The following ATRNL1 variants were observed in gnomAD, a reference collection of about 807,000 sequenced individuals.
The protein encoded by ATRNL1 is attractin-like protein 1.
ATRNL1 carries 95 observed loss-of-function variants against 182.7 expected under a neutral mutation model. That is an observed-to-expected ratio of 0.52 (90% CI 0.44 to 0.62). ATRNL1 has a LOEUF of 0.62. ATRNL1 is among the 20% of genes least tolerant of loss of function. ATRNL1 has a pLI of 0.00. For synonymous variants in ATRNL1, 576 were observed against 568.3 expected, an observed-to-expected ratio of 1.01 and a Z score of -0.19; for missense variants, 1,471 against 1,679.5, an observed-to-expected ratio of 0.88 and a Z score of 2.17.
At chr10:115,830,249 A>T (rs1341035227) in intron 27 of ATRNL1, among the ~76,000 whole-genome samples, 1 of 152,180 alleles carries the variant, frequency 6.6e-6, no homozygotes, top group Non-Finnish European at 1.5e-5. Flanking sequence ...AATATGTAGG[A>T]AAAAAATTAC....
intron 26 of ATRNL1, among the ~76,000 whole-genome samples, chr10:115,700,276 A>G (rs1248818520): frequency 2.6e-5 from 4 of 152,126 alleles, no homozygotes; most frequent in African/African-American, 9.7e-5. Context: ...TGCTTTCCAC[A>G]GTGGCTGAGC....
At chr10:115,225,841 G>C (rs564721849) in intron 9 of ATRNL1, among the ~76,000 whole-genome samples, 1 of 150,646 alleles carries the variant, frequency 6.6e-6, no homozygotes, top group Admixed American at 6.6e-5. Context: ...AATTTTAGCA[G>C]GTGTTTTTCT....
intron 19 of ATRNL1, among the ~76,000 whole-genome samples, chr10:115,380,274 T>C (rs979288256): frequency 5.3e-5 from 8 of 152,206 alleles, no homozygotes; most frequent in Non-Finnish European, 1.0e-4. Flanking sequence ...AAGGTAATAA[T>C]CATAAGCAAT....
chr10:115,453,778 C>T (rs575922486), intron 21 of ATRNL1, among the ~76,000 whole-genome samples: 3 of 134,294 alleles, frequency 2.2e-5, no homozygotes, highest in South Asian at 4.8e-4. Context: ...AGGGGAACAT[C>T]ACACTCTGGG....
At chr10:115,507,408 T>C (rs1850166703) in intron 24 of ATRNL1, among the ~76,000 whole-genome samples, 1 of 152,032 alleles carries the variant, frequency 6.6e-6, no homozygotes, top group African/African-American at 2.4e-5. Flanking sequence ...TTACTAGGAA[T>C]ATAATAATCA....
rs144796877 is a variant in ATRNL1, at chr10:115,541,143, G to A, written c.3717-8315G>A. ...GACGAGTCAAGTCACACAGTAGTAC[G>A]AAATATTTGCAAACTGTATAAAAGC... is the stretch of plus-strand genomic sequence containing the variant. On this transcript the variant is annotated intron_variant, in intron 25 of 28. Transcript: ENST00000355044. Among the ~76,000 whole-genome samples the A allele has an allele frequency of 2.5e-3, 385 of 152,202 alleles. 1 individual carries two copies. Among genetic ancestry groups the A allele is most frequent in the African/African-American group, 8.9e-3 (369 of 41,546 alleles).
intron 24 of ATRNL1, among the ~76,000 whole-genome samples, chr10:115,500,980 G>A (rs1849804821): frequency 7.2e-6 from 1 of 139,210 alleles, no homozygotes; most frequent in South Asian, 2.3e-4. Context: ...CCAGGCTGGA[G>A]TGCAATGGTG....
intron 27 of ATRNL1, among the ~76,000 whole-genome samples, chr10:115,772,055 C>G (rs911664410): frequency 6.6e-6 from 1 of 152,132 alleles, no homozygotes; most frequent in East Asian, 1.9e-4. Flanking sequence ...ACAGTCCTTA[C>G]AAGAAATGAA....
chr10:115,531,990 C>G (rs1346661034), intron 25 of ATRNL1, among the ~76,000 whole-genome samples: 2 of 149,714 alleles, frequency 1.3e-5, no homozygotes, highest in African/African-American at 4.9e-5. Flanking sequence ...TGATCTATAT[C>G]TCTGTTTTGG....
chr10:115,769,967 A>C (rs1250243859), intron 27 of ATRNL1, among the ~76,000 whole-genome samples: 1 of 152,138 alleles, frequency 6.6e-6, no homozygotes, highest in African/African-American at 2.4e-5. Flanking sequence ...TTGACTTTGA[A>C]GCTAATGCAG....
intron 26 of ATRNL1, among the ~76,000 whole-genome samples, chr10:115,684,744 T>C (rs1555045832): frequency 6.6e-6 from 1 of 151,656 alleles, no homozygotes; most frequent in African/African-American, 2.4e-5. Context: ...TACAGAGTTG[T>C]TGGGTAAATT....
intron 19 of ATRNL1, among the ~76,000 whole-genome samples, chr10:115,374,204 T>C (rs1554948850): frequency 6.6e-6 from 1 of 151,828 alleles, no homozygotes; most frequent in African/African-American, 2.4e-5. Context: ...GTTGTAACAC[T>C]TCTTTAATTT....
chr10:115,461,628 T>C (rs1847801308), intron 21 of ATRNL1, among the ~76,000 whole-genome samples: 1 of 152,098 alleles, frequency 6.6e-6, no homozygotes, highest in Non-Finnish European at 1.5e-5. Context: ...CTTCTAGTTA[T>C]AAAATTATAG....
At chr10:115,251,919 A>G (rs111844635) in intron 10 of ATRNL1, among the ~76,000 whole-genome samples, 24 of 152,206 alleles carry the variant, frequency 1.6e-4, no homozygotes, top group African/African-American at 5.5e-4. Context: ...TCCCTAATCC[A>G]ATCATAAGGT....
intron 9 of ATRNL1, among the ~76,000 whole-genome samples, chr10:115,220,702 A>G (rs1313110328): frequency 2.7e-5 from 3 of 110,496 alleles, no homozygotes; most frequent in African/African-American, 1.1e-4. Flanking sequence ...AGAGGTGTGG[A>G]CAGAAATGGT....
intron 19 of ATRNL1, among the ~76,000 whole-genome samples, chr10:115,334,639 G>A (rs1416199885): frequency 6.6e-6 from 1 of 151,986 alleles, no homozygotes; most frequent in Non-Finnish European, 1.5e-5. Context: ...ATGAATGCAT[G>A]TTTCTTATTG....
chr10:115,664,069 A>G (rs1860860110), intron 26 of ATRNL1, among the ~76,000 whole-genome samples: 1 of 152,014 alleles, frequency 6.6e-6, no homozygotes, highest in Admixed American at 6.6e-5. Flanking sequence ...CCTTCCTACA[A>G]TAGCATCCTT....
In ATRNL1 at chr10:115,739,825, C is replaced by T. The variant is rs998245780; in HGVS notation, c.3903+12470C>T. The stretch of plus-strand genomic sequence containing the variant: ...TAAATATTTTATTAGGCTGTTATTG[C>T]CTATGACAGTTACTTTTACACTAAA... On this transcript the variant is annotated intron_variant, in intron 27 of 28. Transcript: ENST00000355044. Among the ~76,000 whole-genome samples, 3 of 152,070 alleles carry T rather than the reference C, an allele frequency of 2.0e-5. No homozygotes were observed. In the East Asian group the frequency reaches 5.8e-4, roughly 29 times the overall value.
At chr10:115,716,943 G>T (rs1947270227) in intron 26 of ATRNL1, among the ~76,000 whole-genome samples, 1 of 152,088 alleles carries the variant, frequency 6.6e-6, no homozygotes, top group Non-Finnish European at 1.5e-5. Context: ...TTCGAGTGCA[G>T]ATTTCAAAAT....
Sources: gnomAD v4.1 joint callset for allele counts (sites outside exome capture counted in the v4.1 genomes callset) on GRCh38, gnomAD v4.1.1 for gene constraint, MANE v1.5 for transcripts, NCBI Gene and HGNC (gene_info 2026-07-23, HGNC 2026-07-21) for gene names.